Variants in ERBB4 observed in about 807,000 individuals in gnomAD.
ERBB4 encodes the protein erb-b2 receptor tyrosine kinase 4.
ERBB4 carries 42 observed loss-of-function variants against 158.0 expected under a neutral mutation model. That is an observed-to-expected ratio of 0.27 (90% confidence interval 0.21 to 0.34). The LOEUF is 0.34. ERBB4 is among the 10% of genes least tolerant of loss of function. ERBB4 has a pLI of 1.00. For synonymous variants in ERBB4, 583 were observed against 558.7 expected (o/e 1.04, Z -0.61); for missense variants, 1,333 against 1,624.1 (o/e 0.82, Z 3.08).
At chr2:211,515,463 C>T (rs2065997372) in intron 20 of ERBB4, among the ~76,000 whole-genome samples, 1 of 151,998 alleles carries the variant, frequency 6.6e-6, no homozygotes, top group South Asian at 2.1e-4. Flanking sequence ...TTCTGACTTG[C>T]AAGTCTGGAT....
chr2:212,250,536 A>G (rs1359254894), intron 1 of ERBB4, among the ~76,000 whole-genome samples: 1 of 151,990 alleles, frequency 6.6e-6, no homozygotes, highest in Non-Finnish European at 1.5e-5. Context: ...TCATTGAGTA[A>G]TGAAATTATA....
chr2:212,433,111 A>G (rs1016401621), intron 1 of ERBB4, among the ~76,000 whole-genome samples: 5 of 152,054 alleles, frequency 3.3e-5, no homozygotes, highest in African/African-American at 1.2e-4. Flanking sequence ...AGAGTTACAT[A>G]TTATGCATTC....
chr2:211,962,929 T>G (rs2125179327), intron 2 of ERBB4, among the ~76,000 whole-genome samples: 1 of 152,160 alleles, frequency 6.6e-6, no homozygotes, highest in African/African-American at 2.4e-5. Flanking sequence ...AACTAACACC[T>G]TCTTTTTTAC....
chr2:212,299,033 A>C (rs1274747715), intron 1 of ERBB4, among the ~76,000 whole-genome samples: 1 of 151,732 alleles, frequency 6.6e-6, no homozygotes, highest in Non-Finnish European at 1.5e-5. Flanking sequence ...TTAAAGTGTC[A>C]GTCACTGAGT....
At chr2:211,675,641 T>A (rs2072031520) in intron 13 of ERBB4, among the ~76,000 whole-genome samples, 2 of 151,448 alleles carry the variant, frequency 1.3e-5, no homozygotes, top group Admixed American at 6.6e-5. Context: ...TACAGTGATT[T>A]ATATGACATG....
chr2:211,845,286 A>T (rs2077562669), intron 3 of ERBB4, among the ~76,000 whole-genome samples: 1 of 151,734 alleles, frequency 6.6e-6, no homozygotes, highest in Non-Finnish European at 1.5e-5. Context: ...GTGCCACATC[A>T]GAATTGGTAA....
chr2:211,864,089 T>C (rs2078141318), intron 3 of ERBB4, among the ~76,000 whole-genome samples: 1 of 152,196 alleles, frequency 6.6e-6, no homozygotes, highest in South Asian at 2.1e-4. Flanking sequence ...CTACCATCTC[T>C]AGATTTTCTC....
chr2:212,293,983 C>T (rs1043838096), intron 1 of ERBB4, among the ~76,000 whole-genome samples: 11 of 151,590 alleles, frequency 7.3e-5, no homozygotes, highest in Admixed American at 2.6e-4. Flanking sequence ...TATACCAGTT[C>T]CCTTAGAAAA....
intron 3 of ERBB4, among the ~76,000 whole-genome samples, chr2:211,938,960 A>C (rs142708653): frequency 5.9e-4 from 90 of 152,320 alleles, no homozygotes; most frequent in African/African-American, 1.8e-3. Context: ...GATTTTTAAA[A>C]AGCCATAGCT....
At chr2:212,277,339 T>C (rs2085577976) in intron 1 of ERBB4, among the ~76,000 whole-genome samples, 1 of 151,770 alleles carries the variant, frequency 6.6e-6, no homozygotes. Flanking sequence ...GCTAGTTCAT[T>C]CATTTAATAT....
chr2:211,913,314 A>C (rs936081701), intron 3 of ERBB4, among the ~76,000 whole-genome samples: 3 of 152,166 alleles, frequency 2.0e-5, no homozygotes, highest in Non-Finnish European at 4.4e-5. Flanking sequence ...TATTAAAAGC[A>C]ATAGGCCGGG....
intron 1 of ERBB4, among the ~76,000 whole-genome samples, chr2:212,474,544 G>T (rs1483276057): frequency 1.3e-5 from 2 of 152,072 alleles, no homozygotes; most frequent in Non-Finnish European, 2.9e-5. Context: ...ATGGGCTTTG[G>T]AGACCTGTAT....
At chr2:212,286,603 T>TTTTTTTTTTG (rs1559928626) in intron 1 of ERBB4, among the ~76,000 whole-genome samples, 4 of 128,744 alleles carry the variant, frequency 3.1e-5, no homozygotes, top group African/African-American at 1.2e-4. Context: ...ACTTTTTTTT[T>TTTTTTTTTTG]TTTTTTTTTT....
chr2:211,876,793 G>C (rs974015540), intron 3 of ERBB4, among the ~76,000 whole-genome samples: 1 of 152,182 alleles, frequency 6.6e-6, no homozygotes, highest in South Asian at 2.1e-4. Flanking sequence ...ACTGAAGATC[G>C]ATCCACTTTC....
chr2:212,408,979 T>C (rs371824154), intron 1 of ERBB4, among the ~76,000 whole-genome samples: 1 of 152,208 alleles, frequency 6.6e-6, no homozygotes, highest in African/African-American at 2.4e-5. Flanking sequence ...ATTCTTCAAA[T>C]AGAATTCCTT....
chr2:212,233,725 T>C (rs1381776176), intron 1 of ERBB4, among the ~76,000 whole-genome samples: 1 of 152,138 alleles, frequency 6.6e-6, no homozygotes, highest in Non-Finnish European at 1.5e-5. Context: ...GTTGGTTTTA[T>C]ATTCCCTTTT....
At chr2:211,616,517 T>C (rs908417899) in intron 19 of ERBB4, among the ~76,000 whole-genome samples, 2 of 152,180 alleles carry the variant, frequency 1.3e-5, no homozygotes, top group Non-Finnish European at 2.9e-5. Context: ...TAATTTTTCT[T>C]GAACCTACCT....
intron 1 of ERBB4, among the ~76,000 whole-genome samples, chr2:212,358,222 G>A (rs2089540247): frequency 6.6e-6 from 1 of 151,804 alleles, no homozygotes; most frequent in Non-Finnish European, 1.5e-5. Context: ...TACGTGACCT[G>A]TGCTGATAAT....
At chr2:212,055,838 G>T (rs1434346726) in intron 2 of ERBB4, among the ~76,000 whole-genome samples, 1 of 152,172 alleles carries the variant, frequency 6.6e-6, no homozygotes, top group African/African-American at 2.4e-5. Flanking sequence ...AAAAACAGAG[G>T]ACAAAAGCCG....
Sources: gnomAD v4.1 joint callset for allele counts (sites outside exome capture counted in the v4.1 genomes callset) on GRCh38, gnomAD v4.1.1 for gene constraint, MANE v1.5 for transcripts, NCBI Gene and HGNC (gene_info 2026-07-23, HGNC 2026-07-21) for gene names.